The following APH1B variants were observed in gnomAD, a reference collection of about 807,000 sequenced individuals.
APH1B encodes the protein aph-1B gamma-secretase subunit, also known as gamma-secretase subunit APH-1B.
APH1B carries 27 observed loss-of-function variants against 28.2 expected under a neutral mutation model. The observed-to-expected ratio is 0.96, with a 90% confidence interval of 0.70 to 1.32. The LOEUF (loss-of-function observed/expected upper bound fraction) is 1.32. APH1B is among the 40% of genes most tolerant of loss of function. The pLI, the probability that APH1B is intolerant of heterozygous loss-of-function variation, is 0.00. For synonymous variants in APH1B, 141 were observed against 124.6 expected, an observed-to-expected ratio of 1.13 and a Z score of -0.88; for missense variants, 305 against 313.6, an observed-to-expected ratio of 0.97 and a Z score of 0.21.
At chr15:63,279,643 G>A (rs915956036) in intron 2 of APH1B, among the ~76,000 whole-genome samples, 1 of 152,126 alleles carries the variant, frequency 6.6e-6, no homozygotes, top group Non-Finnish European at 1.5e-5. Flanking sequence ...ATTATAGTAG[G>A]AAGAGACAGA....
intron 4 of APH1B, among the ~76,000 whole-genome samples, chr15:63,298,897 T>TA (rs11361217): frequency 0.049 from 7,050 of 142,922 alleles, 522 homozygotes; most frequent in African/African-American, 0.16. Context: ...GTGTTGAATG[T>TA]AAAAAAAAAA....
Position 63,302,478 on chromosome 15 carries a change from T to C in APH1B, c.606+6T>C. 6.2e-7 allele frequency: 1 copy of C among 1,612,688 alleles called. No individual in the cohort carries two copies. The highest frequency in any genetic ancestry group is 8.5e-7 in the Non-Finnish European group (1 of 1,179,396). ...ACCTGCTGGTGTCAGCCCAGGTGAG[T>C]GTTGCCGCCATGCTCAGACTGTATT... On this transcript the variant is annotated splice_donor_region_variant and intron_variant, in intron 5 of 5. Transcript: ENST00000261879.
At chr15:63,302,228 G>C in intron 4 of APH1B, 117 bp from the exon 5 acceptor site, 6 of 1,230,546 alleles carry the variant, frequency 4.9e-6, no homozygotes, top group Non-Finnish European at 3.3e-6. Context: ...TCTGTCAGGT[G>C]GTGTTAAACT....
At chr15:63,280,425 AATT>A (rs1308210651) in intron 2 of APH1B, among the ~76,000 whole-genome samples, 11 of 152,226 alleles carry the variant, frequency 7.2e-5, no homozygotes, top group Non-Finnish European at 1.3e-4. Flanking sequence ...CAAATGAAGT[AATT>A]AAGGCTGTCC....
rs2038644262 is a variant in APH1B at position 63,302,557 on chromosome 15, C to CA, written c.606+86dup. On this transcript the variant is annotated intron_variant, in intron 5 of 5. Transcript: ENST00000261879. ...GGTAAATTCTACTCTAGATGAAATA[C>CA]ACGCTCATGAGAACATGAGGAAATT... 3 of 1,483,334 alleles carry CA rather than the reference C, an allele frequency of 2.0e-6. No homozygotes were observed. The East Asian group carries it at 7.2e-5, about 35-fold the overall frequency. 91.9% of individuals were successfully genotyped at this position (1,483,334 alleles called of 1,614,324 possible).
chr15:63,292,149 AT>A (rs2038512723), intron 4 of APH1B, among the ~76,000 whole-genome samples: 3 of 152,246 alleles, frequency 2.0e-5, no homozygotes, highest in African/African-American at 7.2e-5. Flanking sequence ...AAGCAAGACT[AT>A]CTCAATACCT....
intron 4 of APH1B, among the ~76,000 whole-genome samples, chr15:63,293,121 A>G (rs759941823): frequency 1.3e-5 from 2 of 151,522 alleles, no homozygotes; most frequent in Non-Finnish European, 2.9e-5. Context: ...TTCGTCAGCC[A>G]CTGCTGCCTT....
chr15:63,305,713 C>G lies in APH1B; in HGVS notation c.706C>G (p.Arg236Gly), dbSNP rs769063501. Residue 236 changes from arginine to glycine, a missense_variant, in exon 6 of 6, where the codon CGA (arginine) becomes GGA (glycine). Physicochemically the swap from Arg to Gly is moderately radical, Grantham distance 125. Transcript: ENST00000261879. ...ATTCTTAGCTGCGGGAGGCAGCTGC[C>G]GAAGCCTGAAACTCTGCCTGCTCTG... Reference protein sequence around the residue: ...WAFLAAGGSCRSLKLCLLCQD... With the variant: ...WAFLAAGGSCGSLKLCLLCQD... 4.3e-6 allele frequency: 7 copies of G among 1,614,178 alleles called. No homozygotes were observed. The highest frequency in any genetic ancestry group is 5.9e-6 in the Non-Finnish European group (7 of 1,180,034).
At position 63,304,506 on chromosome 15, in the gene APH1B, A is replaced by G. The variant is rs1231451005; in HGVS notation, c.607-1108A>G. Among the ~76,000 whole-genome samples the G allele has an allele frequency of 6.6e-6, 1 of 152,184 alleles. No individual in the cohort carries two copies. Among genetic ancestry groups the G allele is most frequent in the African/African-American group, 2.4e-5 (1 of 41,436 alleles). On this transcript the variant is annotated intron_variant, in intron 5 of 5. Transcript: ENST00000261879. This position sits in a 1 kb window ranked among gnomAD's most constrained non-coding sequence, Gnocchi z 5.1. ...AAAAAATCTTTTGTCAGATGTATGT[A>G]TTGCAGATAACTTCTGTGGCATGGT...
At chr15:63,301,930 A>G (rs1947951580) in intron 4 of APH1B, among the ~76,000 whole-genome samples, 1 of 152,004 alleles carries the variant, frequency 6.6e-6, no homozygotes, top group Non-Finnish European at 1.5e-5. Context: ...ATATTTTTCC[A>G]TTGCTCTTTT....
chr15:63,294,385 T>C (rs2038542027), intron 4 of APH1B, among the ~76,000 whole-genome samples: 1 of 152,206 alleles, frequency 6.6e-6, no homozygotes, highest in African/African-American at 2.4e-5. Flanking sequence ...ATGGCCATGT[T>C]GGGAATTTGG....
chr15:63,284,538 C>T (rs1212616141), intron 2 of APH1B, among the ~76,000 whole-genome samples: 1 of 151,094 alleles, frequency 6.6e-6, no homozygotes, highest in African/African-American at 2.4e-5. Flanking sequence ...TTTTATATGA[C>T]TGGCATTGCA....
chr15:63,280,632 A>G (rs2038376594), intron 2 of APH1B, among the ~76,000 whole-genome samples: 1 of 152,238 alleles, frequency 6.6e-6, no homozygotes, highest in East Asian at 1.9e-4. Context: ...ATTGCTTAGA[A>G]GCAAAAATCA....
Position 63,302,336 on chromosome 15 carries a change from C to T in APH1B, c.479-9C>T. Reference sequence around the variant, plus strand: ...GTAGGAGTGACACTAATGGTCGGCTCTCTTTCAGCTTTCATGACGCTGGTC... The same window carrying T: ...GTAGGAGTGACACTAATGGTCGGCTTTCTTTCAGCTTTCATGACGCTGGTC... On this transcript the variant is annotated splice_polypyrimidine_tract_variant and intron_variant, in intron 4 of 5. Coordinates refer to ENST00000261879, the MANE Select transcript of APH1B (RefSeq NM_031301.4). The T allele has an allele frequency of 3.1e-6, 5 of 1,613,440 alleles. No individual in the cohort carries two copies. The highest frequency in any genetic ancestry group is 2.7e-5 in the African/African-American group (2 of 75,016).
intron 4 of APH1B, among the ~76,000 whole-genome samples, chr15:63,297,873 G>A (rs1351787114): frequency 1.3e-5 from 2 of 152,198 alleles, no homozygotes; most frequent in Non-Finnish European, 2.9e-5. Flanking sequence ...TGAAGGCTGT[G>A]ATGACCATCA....
chr15:63,277,667 G>A lies in APH1B; in HGVS notation c.44G>A (p.Gly15Glu). The change falls in exon 1 of 6, where the codon GGG (glycine) becomes GAG (glutamate). Residue 15 changes from glycine (G) to glutamate (E), a missense_variant. Coordinates refer to ENST00000261879, the MANE Select transcript of APH1B (RefSeq NM_031301.4). ...VFFGCAFIAFGPALALYVFTI... is the reference protein window; with the variant it reads ...VFFGCAFIAFEPALALYVFTI... ...TTCGGCTGCGCCTTCATTGCCTTCG[G>A]GCCTGCGCTCGCCCTTTATGTCTTC... is the stretch of plus-strand genomic sequence containing the variant. 1.2e-6 allele frequency: 2 copies of A among 1,610,066 alleles called. No individual in the cohort carries two copies. The highest frequency in any genetic ancestry group is 1.7e-6 in the Non-Finnish European group (2 of 1,178,378).
rs377254326 is a variant in APH1B at position 63,299,004 on chromosome 15, T to C, written c.479-3341T>C. Among the ~76,000 whole-genome samples the C allele has an allele frequency of 4.0e-5, 6 of 151,162 alleles. No homozygotes were observed. In the East Asian group the frequency reaches 1.2e-3, roughly 29 times the overall value. On this transcript the variant is annotated intron_variant, in intron 4 of 5. Transcript: ENST00000261879. ...AAAGTAAGATTCGGATGTGGTGAAATGGAGAGGGGTGGTGCTGAGGGGCAG... is the reference window on the plus strand; with the variant it reads ...AAAGTAAGATTCGGATGTGGTGAAACGGAGAGGGGTGGTGCTGAGGGGCAG...
At chr15:63,284,200 A>G (rs1038879083) in intron 2 of APH1B, among the ~76,000 whole-genome samples, 10 of 149,302 alleles carry the variant, frequency 6.7e-5, no homozygotes, top group Non-Finnish European at 1.5e-4. Context: ...TATACTGTAC[A>G]TAATTGTATG....
At chr15:63,281,874 G>A (rs2038392798) in intron 2 of APH1B, among the ~76,000 whole-genome samples, 1 of 151,968 alleles carries the variant, frequency 6.6e-6, no homozygotes, top group Non-Finnish European at 1.5e-5. Flanking sequence ...AGAAATTAAA[G>A]CTGTCAGTCT....
Sources: gnomAD v4.1 joint callset for allele counts (sites outside exome capture counted in the v4.1 genomes callset) on GRCh38, gnomAD v4.1.1 for gene constraint, Gnocchi (gnomAD v3.1) non-coding constraint, MANE v1.5 for transcripts, NCBI Gene and HGNC (gene_info 2026-07-23, HGNC 2026-07-21) for gene names.